Variants in STARD13 observed in about 807,000 individuals in gnomAD.
The protein encoded by STARD13 is stAR-related lipid transfer protein 13.
In STARD13, 62 loss-of-function variants were observed where a neutral mutation model predicts 106.4. The observed-to-expected ratio is 0.58, with a 90% CI of 0.48 to 0.72. The LOEUF (loss-of-function observed/expected upper bound fraction) is 0.72. STARD13 is among the 30% of genes least tolerant of loss of function. The pLI, the probability that STARD13 is intolerant of heterozygous loss-of-function variation, is 0.00. For missense variants in STARD13, 1,387 were observed against 1,424.0 expected, an observed-to-expected ratio of 0.97 and a Z score of 0.42; for synonymous variants, 565 against 553.0, an observed-to-expected ratio of 1.02 and a Z score of -0.31.
chr13:33,454,228 G>A, the STARD13 span, among the ~76,000 whole-genome samples: 6 of 152,322 alleles, frequency 3.9e-5, no homozygotes, highest in African/African-American at 7.2e-5. Context: ...CCAGTGAGAG[G>A]TGGGACACTT....
Position 33,130,577 on chromosome 13 carries a change from T to A in STARD13, c.388-288A>T, listed in dbSNP as rs150299657. 3.3e-5 allele frequency among the ~76,000 whole-genome samples: 5 copies of A among 152,350 alleles called. No individual in the cohort carries two copies. The highest frequency in any genetic ancestry group is 1.2e-4 in the African/African-American group (5 of 41,590). The stretch of plus-strand genomic sequence containing the variant: ...CTCCTTCCTTCCTCTCTAAGAAGTT[T>A]TCCCTGACTGATTATAAAGAGGGTA... On this transcript the variant is annotated intron_variant, in intron 4 of 13. Transcript: ENST00000336934. This position sits in a 1 kb window ranked among gnomAD's most constrained non-coding sequence, Gnocchi z 4.1.
rs903945342 is a variant in STARD13 at position 33,206,240 on chromosome 13, C to T, written c.170-38618G>A. Among the ~76,000 whole-genome samples the T allele has an allele frequency of 4.6e-5, 7 of 152,060 alleles. No homozygotes were observed. In the East Asian group the frequency reaches 9.6e-4, roughly 21 times the overall value. On this transcript the variant is annotated intron_variant, in intron 1 of 13. Transcript: ENST00000336934. The stretch of plus-strand genomic sequence containing the variant: ...GCACCCCCACCGCTAGTGTCAGGTG[C>T]CTTCCTTATATAACACATCCCATTT...
chr13:33,311,580 T>C (rs1432239728), intron 1 of STARD13, among the ~76,000 whole-genome samples: 1 of 152,256 alleles, frequency 6.6e-6, no homozygotes, highest in Non-Finnish European at 1.5e-5. Context: ...ATTTTGAGTA[T>C]AAATCAGATT....
chr13:33,455,958 TTAAATAAATAAATACA>T, the STARD13 span, among the ~76,000 whole-genome samples: 1 of 151,716 alleles, frequency 6.6e-6, no homozygotes. Context: ...AATAAATAAA[TTAAATAAATAAATACA>T]TAAATAAATA....
chr13:33,321,463 GCCACTGCACT>G (rs1454339562), intron 1 of STARD13, among the ~76,000 whole-genome samples: 1 of 151,052 alleles, frequency 6.6e-6, no homozygotes, highest in Non-Finnish European at 1.5e-5. Context: ...CTGAGATCAT[GCCACTGCACT>G]CCAGCCAGAG....
At chr13:33,578,999 CAA>C in the STARD13 span, among the ~76,000 whole-genome samples, 3 of 151,822 alleles carry the variant, frequency 2.0e-5, no homozygotes, top group African/African-American at 7.2e-5. Context: ...TCAAAAAAAA[CAA>C]TGGATGTTGG....
chr13:33,462,883 A>G, the STARD13 span, among the ~76,000 whole-genome samples: 3 of 152,220 alleles, frequency 2.0e-5, no homozygotes, highest in African/African-American at 7.2e-5. Context: ...GGACACACCC[A>G]GGAACAATAC....
Position 33,310,490 on chromosome 13 carries a change from G to A in STARD13, c.124+39800C>T, listed in dbSNP as rs937177961. On this transcript the variant is annotated intron_variant, in intron 1 of 5. Transcript: ENST00000567873. ...TGAGCAGGAAGGTTAATAAAACACT[G>A]CCAACTCTCTTGCGATATAAAACTT... Among the ~76,000 whole-genome samples, 4 of 151,992 alleles carry A rather than the reference G, an allele frequency of 2.6e-5. No individual in the cohort carries two copies. The East Asian group carries it at 5.8e-4, about 22-fold the overall frequency.
chr13:33,628,503 G>A, the STARD13 span, among the ~76,000 whole-genome samples: 1 of 152,174 alleles, frequency 6.6e-6, no homozygotes, highest in Non-Finnish European at 1.5e-5. Context: ...ACTAGCTTTG[G>A]CTTCACTCAG....
chr13:33,402,657 G>A, the STARD13 span, among the ~76,000 whole-genome samples: 1 of 152,210 alleles, frequency 6.6e-6, no homozygotes. Flanking sequence ...GGCTCCAGAA[G>A]CAGATGAGCA....
At chr13:33,267,404 C>A (rs1315164829) in intron 1 of STARD13, among the ~76,000 whole-genome samples, 3 of 152,104 alleles carry the variant, frequency 2.0e-5, no homozygotes, top group Admixed American at 2.0e-4. Context: ...AACAACAACC[C>A]AACAGCTATC....
chr13:33,333,795 A>G (rs960397384), intron 1 of STARD13: 1 of 152,224 alleles, frequency 6.6e-6, no homozygotes, highest in Middle Eastern at 3.2e-3. Context: ...TTTCTCCTGA[A>G]AAGTTGGTAC....
chr13:33,395,006 A>C, the STARD13 span, among the ~76,000 whole-genome samples: 1 of 152,218 alleles, frequency 6.6e-6, no homozygotes, highest in Non-Finnish European at 1.5e-5. Context: ...AAAATGTTTT[A>C]GTTTATCCAT....
chr13:33,247,759 G>A (rs972962355), intron 1 of STARD13, among the ~76,000 whole-genome samples: 2 of 151,944 alleles, frequency 1.3e-5, no homozygotes, highest in Non-Finnish European at 2.9e-5. Context: ...TACTGCTATC[G>A]CCCAAAACGC....
intron 8 of STARD13, chr13:33,117,442 C>A (rs549387587): frequency 4.1e-6 from 1 of 245,992 alleles, no homozygotes; most frequent in Non-Finnish European, 6.5e-6. Context: ...CCCATTGCAA[C>A]CACTTATAGT....
At chr13:33,508,716 G>A in the STARD13 span, among the ~76,000 whole-genome samples, 1 of 152,194 alleles carries the variant, frequency 6.6e-6, no homozygotes, top group African/African-American at 2.4e-5. Flanking sequence ...GATGAAAGAT[G>A]CTTAATGTGT....
the STARD13 span, among the ~76,000 whole-genome samples, chr13:33,483,774 C>G: frequency 6.6e-6 from 1 of 152,116 alleles, no homozygotes; most frequent in African/African-American, 2.4e-5. Context: ...GCTGATGTCA[C>G]CCGAATAAAA....
intron 1 of STARD13, among the ~76,000 whole-genome samples, chr13:33,221,864 C>T (rs1426898795): frequency 6.6e-6 from 1 of 152,144 alleles, no homozygotes; most frequent in African/African-American, 2.4e-5. Context: ...AAAGCAAGGG[C>T]ATTAGGCTGG....
chr13:33,528,257 C>CATATATATATATATATATATGTATAT, the STARD13 span, among the ~76,000 whole-genome samples: 9 of 92,900 alleles, frequency 9.7e-5, no homozygotes, highest in African/African-American at 5.8e-4. Context: ...TATATATATA[C>CATATATATATATATATATATGTATAT]ATATATATAT....
Sources: allele counts gnomAD v4.1 joint callset (sites outside exome capture counted in the v4.1 genomes callset), GRCh38; gene constraint gnomAD v4.1.1; non-coding constraint Gnocchi (gnomAD v3.1); transcripts MANE v1.5; gene names NCBI Gene and HGNC (gene_info 2026-07-23, HGNC 2026-07-21).